The following TC2N variants were observed in gnomAD, a reference collection of about 807,000 sequenced individuals.
TC2N encodes tandem C2 domains nuclear protein.
Under a neutral mutation model 61.9 loss-of-function variants are expected in TC2N, and 51 were observed. That is an observed-to-expected ratio of 0.82 (90% CI 0.66 to 1.04). The LOEUF (loss-of-function observed/expected upper bound fraction) is 1.04. Ranked by LOEUF, TC2N falls within the 50% of genes least tolerant of loss-of-function variation. TC2N has a pLI of 0.00. For synonymous variants in TC2N, 204 were observed against 192.6 expected, an observed-to-expected ratio of 1.06 and a Z score of -0.49; for missense variants, 556 against 566.7, an observed-to-expected ratio of 0.98 and a Z score of 0.19.
chr14:91,856,307 G>A (rs1052530688), intron 1 of TC2N, among the ~76,000 whole-genome samples: 3 of 152,116 alleles, frequency 2.0e-5, no homozygotes, highest in Non-Finnish European at 2.9e-5. Context: ...TGGCCAACAT[G>A]GTGAAACCCT....
At chr14:91,785,975 T>G (rs1885345222) in intron 10 of TC2N, among the ~76,000 whole-genome samples, 1 of 152,098 alleles carries the variant, frequency 6.6e-6, no homozygotes, top group African/African-American at 2.4e-5. Context: ...ATATAGCTTT[T>G]CACCTAAGCA....
chr14:91,867,530 C>T lies in TC2N; in HGVS notation c.-325G>A, dbSNP rs1888728523. 6.6e-6 allele frequency: 1 copy of T among 152,156 alleles called. No homozygotes were observed. The highest frequency in any genetic ancestry group is 6.5e-5 in the Admixed American group (1 of 15,268). 9.4% of individuals were successfully genotyped at this position (152,156 alleles called of 1,614,324 possible). On this transcript the variant is annotated 5_prime_UTR_variant, in exon 1 of 12. Coordinates refer to ENST00000435962, the MANE Select transcript of TC2N (RefSeq NM_001128596.3). ...GATGTGATTGCTAACACCACTTGACCCTGACTGAAGAACCACAACTAGGCA... is the reference window on the plus strand; with the variant it reads ...GATGTGATTGCTAACACCACTTGACTCTGACTGAAGAACCACAACTAGGCA...
chr14:91,819,454 T>G (rs373062810), intron 1 of TC2N, among the ~76,000 whole-genome samples: 35 of 152,172 alleles, frequency 2.3e-4, no homozygotes, highest in African/African-American at 7.7e-4. Flanking sequence ...AATTTGACAC[T>G]CAGAGAAAAT....
intron 9 of TC2N, among the ~76,000 whole-genome samples, chr14:91,789,474 G>GGT (rs924718583): frequency 1.3e-5 from 2 of 151,780 alleles, no homozygotes; most frequent in African/African-American, 4.8e-5. Context: ...AGCCACCCGT[G>GGT]GTGGCTGATA....
intron 3 of TC2N, among the ~76,000 whole-genome samples, chr14:91,805,897 A>G (rs919024974): frequency 3.3e-5 from 5 of 152,124 alleles, no homozygotes; most frequent in African/African-American, 1.2e-4. Flanking sequence ...TGCCCTATAC[A>G]GGTGTGATAT....
At chr14:91,789,581 A>G (rs1412238968) in intron 9 of TC2N, among the ~76,000 whole-genome samples, 1 of 151,172 alleles carries the variant, frequency 6.6e-6, no homozygotes, top group Non-Finnish European at 1.5e-5. Context: ...ACTGCACTCC[A>G]GCCTGGGCGA....
intron 1 of TC2N, among the ~76,000 whole-genome samples, chr14:91,814,277 A>G (rs950788480): frequency 1.3e-5 from 2 of 151,292 alleles, no homozygotes; most frequent in Admixed American, 1.3e-4. Flanking sequence ...ACATGTGCTG[A>G]TAAAACAGCA....
chr14:91,817,237 T>A (rs1043413149), intron 1 of TC2N, among the ~76,000 whole-genome samples: 1 of 152,002 alleles, frequency 6.6e-6, no homozygotes, highest in Admixed American at 6.6e-5. Flanking sequence ...ATTAAGTGTA[T>A]GCCTGTATAA....
intron 1 of TC2N, among the ~76,000 whole-genome samples, chr14:91,825,734 C>T (rs1374476181): frequency 6.6e-6 from 1 of 152,146 alleles, no homozygotes; most frequent in African/African-American, 2.4e-5. Flanking sequence ...ATTAGAAAAC[C>T]TACTTGCCTG....
chr14:91,829,047 C>CT (rs781426361), intron 1 of TC2N, among the ~76,000 whole-genome samples: 66 of 146,626 alleles, frequency 4.5e-4, no homozygotes, highest in Non-Finnish European at 8.0e-4. Flanking sequence ...AACCACTGTT[C>CT]TTTTAAAAAA....
intron 1 of TC2N, among the ~76,000 whole-genome samples, chr14:91,814,392 A>C (rs1343514696): frequency 6.6e-6 from 1 of 150,802 alleles, no homozygotes. Context: ...ACCTAGAAAT[A>C]GAGAGTGGAG....
At chr14:91,787,203 G>C (rs1885408149) in intron 10 of TC2N, among the ~76,000 whole-genome samples, 1 of 152,020 alleles carries the variant, frequency 6.6e-6, no homozygotes, top group African/African-American at 2.4e-5. Flanking sequence ...CCTAGAGAGA[G>C]GATAAATCAT....
At chr14:91,806,586 G>A (rs770531384) in intron 3 of TC2N, among the ~76,000 whole-genome samples, 11 of 152,250 alleles carry the variant, frequency 7.2e-5, no homozygotes, top group South Asian at 4.2e-4. Flanking sequence ...AGAGATTTCC[G>A]AAACTTTGAA....
rs751522649 is a variant in TC2N, at chr14:91,798,419, A to G, written c.638-20T>C. 7.3e-6 allele frequency: 10 copies of G among 1,362,308 alleles called. No individual in the cohort carries two copies. In the Admixed American group the frequency reaches 1.6e-4, roughly 21 times the overall value. The allele number at this position is 1,362,308 out of a possible 1,614,324, so 84.4% of individuals were successfully genotyped here. On this transcript the variant is annotated intron_variant, in intron 6 of 11. Transcript: ENST00000435962. ...TTGTATCTGAATTATAAAAGGACAA[A>G]GATGTTTCAAATGCCATGCAATCCT...
chr14:91,849,595 T>A (rs188905156), intron 1 of TC2N, among the ~76,000 whole-genome samples: 72 of 152,362 alleles, frequency 4.7e-4, no homozygotes, highest in African/African-American at 1.7e-3. Flanking sequence ...TTAGTTCTTG[T>A]CACTTAAACA....
At chr14:91,808,345 G>T (rs1351368305) in intron 3 of TC2N, among the ~76,000 whole-genome samples, 2 of 152,068 alleles carry the variant, frequency 1.3e-5, no homozygotes, top group East Asian at 3.9e-4. Context: ...CACCATCTAG[G>T]TTTGTGTAAG....
At chr14:91,827,387 C>A (rs1887550421) in intron 1 of TC2N, among the ~76,000 whole-genome samples, 1 of 152,124 alleles carries the variant, frequency 6.6e-6, no homozygotes, top group Non-Finnish European at 1.5e-5. Flanking sequence ...TGGGAAATTC[C>A]ATTCCTTTGC....
chr14:91,820,197 C>T (rs1887180145), intron 1 of TC2N, among the ~76,000 whole-genome samples: 1 of 151,932 alleles, frequency 6.6e-6, no homozygotes, highest in East Asian at 1.9e-4. Flanking sequence ...GGATGGATAC[C>T]CCTTGAGAAC....
chr14:91,822,802 T>C (rs7161577), intron 1 of TC2N, among the ~76,000 whole-genome samples: 148,178 of 151,106 alleles, frequency 0.98, 72,732 homozygotes, highest in East Asian at 1. Flanking sequence ...GTAAGCTCTG[T>C]CTTCTGGGTT....
Sources: gnomAD v4.1 joint callset for allele counts (sites outside exome capture counted in the v4.1 genomes callset) on GRCh38, gnomAD v4.1.1 for gene constraint, MANE v1.5 for transcripts, NCBI Gene and HGNC (gene_info 2026-07-23, HGNC 2026-07-21) for gene names.